Variants in TAFA2 observed in about 807,000 individuals in gnomAD.
TAFA2 encodes the protein TAFA chemokine like family member 2.
Under a neutral mutation model 18.8 loss-of-function variants are expected in TAFA2, and 7 were observed. The ratio of observed to expected loss-of-function variants is 0.37; its 90% confidence interval spans 0.21 to 0.70. The LOEUF (loss-of-function observed/expected upper bound fraction) is 0.70. Among genes scored for constraint, TAFA2 ranks in the 30% least tolerant of loss-of-function variants. The pLI is 0.53. For synonymous variants in TAFA2, 60 were observed against 54.2 expected, an observed-to-expected ratio of 1.11 and a Z score of -0.47; for missense variants, 122 against 158.1, an observed-to-expected ratio of 0.77 and a Z score of 1.23.
intron 1 of TAFA2, among the ~76,000 whole-genome samples, chr12:62,104,276 C>CAAAAAA (rs66467365): frequency 2.7e-5 from 4 of 145,848 alleles, no homozygotes; most frequent in Admixed American, 6.9e-5. Flanking sequence ...TCTTCTGAAG[C>CAAAAAA]AAAAAAAAAA....
chr12:62,067,935 T>C (rs1882533178), intron 1 of TAFA2, among the ~76,000 whole-genome samples: 1 of 152,018 alleles, frequency 6.6e-6, no homozygotes, highest in Non-Finnish European at 1.5e-5. Context: ...TGTCTATTAC[T>C]TTCCTTTTCT....
intron 1 of TAFA2, among the ~76,000 whole-genome samples, chr12:62,037,730 T>C (rs569956876): frequency 2.0e-5 from 3 of 152,188 alleles, no homozygotes; most frequent in African/African-American, 7.2e-5. Flanking sequence ...AACTACTTTA[T>C]AGACCAGAGC....
chr12:61,887,044 A>G lies in TAFA2; in HGVS notation c.-1-19618T>C, dbSNP rs532351736. ...GTGTTAAAATATATAAAGTGCTTAG[A>G]GCAGGACCTGCTCATAATAAATGCT... On this transcript the variant is annotated intron_variant, in intron 1 of 4. Coordinates refer to ENST00000416284, the MANE Select transcript of TAFA2 (RefSeq NM_178539.5). Among the ~76,000 whole-genome samples, 26 of 152,362 alleles carry G rather than the reference A, an allele frequency of 1.7e-4. No individual in the cohort carries two copies. The South Asian group carries it at 4.6e-3, about 27-fold the overall frequency.
At chr12:62,213,641 CAA>C (rs5798637) in intron 1 of TAFA2, among the ~76,000 whole-genome samples, 3 of 145,276 alleles carry the variant, frequency 2.1e-5, no homozygotes, top group Non-Finnish European at 3.0e-5. Context: ...GACTCTGTCT[CAA>C]AAAAAAAAAA....
At chr12:61,776,014 T>C in intron 2 of TAFA2, 1 of 356,498 alleles carries the variant, frequency 2.8e-6, no homozygotes, top group Non-Finnish European at 5.4e-6. Flanking sequence ...ACCACACACA[T>C]GCGAATCTAT....
chr12:61,763,502 G>A (rs567377286), intron 2 of TAFA2, among the ~76,000 whole-genome samples: 3 of 151,808 alleles, frequency 2.0e-5, no homozygotes, highest in Non-Finnish European at 4.4e-5. Context: ...AATGACAGTC[G>A]ATGTTAAGAA....
chr12:61,749,654 C>T (rs1868912966), intron 4 of TAFA2, among the ~76,000 whole-genome samples: 2 of 152,012 alleles, frequency 1.3e-5, no homozygotes, highest in Admixed American at 1.3e-4. Flanking sequence ...CTCTTATCTG[C>T]TCAAGCCACT....
At chr12:62,076,046 C>T (rs990386156) in intron 1 of TAFA2, among the ~76,000 whole-genome samples, 1 of 152,156 alleles carries the variant, frequency 6.6e-6, no homozygotes, top group Non-Finnish European at 1.5e-5. Context: ...AATCCACGCC[C>T]TTTAAATTCA....
chr12:61,952,816 T>C (rs929690692), intron 1 of TAFA2, among the ~76,000 whole-genome samples: 2 of 149,058 alleles, frequency 1.3e-5, no homozygotes, highest in African/African-American at 5.2e-5. Flanking sequence ...TTCTCCCTAA[T>C]TAAATACGTG....
Position 62,210,576 on chromosome 12 carries a change from A to C in TAFA2, c.-130+48187T>G, listed in dbSNP as rs187692659. ...CATTTTTAGACAAGCATCGCAGTACATGTTGTCTGTTTTATAGCAACAAAA... is the reference window on the plus strand; with the variant it reads ...CATTTTTAGACAAGCATCGCAGTACCTGTTGTCTGTTTTATAGCAACAAAA... On this transcript the variant is annotated intron_variant, in intron 1 of 5. Coordinates refer to the TAFA2 transcript ENST00000551619. 2.5e-3 allele frequency among the ~76,000 whole-genome samples: 378 copies of C among 152,336 alleles called. 5 individuals are homozygous for C. Among genetic ancestry groups the C allele is most frequent in the South Asian group, 0.017 (83 of 4,828 alleles).
intron 1 of TAFA2, among the ~76,000 whole-genome samples, chr12:61,941,091 G>T (rs527320298): frequency 3.9e-4 from 59 of 152,082 alleles, no homozygotes; most frequent in African/African-American, 1.3e-3. Flanking sequence ...TTTTCTAACT[G>T]TAATTTTATA....
intron 4 of TAFA2, among the ~76,000 whole-genome samples, chr12:61,713,291 T>G (rs1452294239): frequency 6.6e-6 from 1 of 152,194 alleles, no homozygotes; most frequent in African/African-American, 2.4e-5. Flanking sequence ...CACTTCCGTT[T>G]TCTCTATGTC....
chr12:61,828,305 C>T (rs1297690847), intron 2 of TAFA2, among the ~76,000 whole-genome samples: 1 of 151,796 alleles, frequency 6.6e-6, no homozygotes. Flanking sequence ...ATGACCAAAA[C>T]GACCATTTTG....
Position 61,973,449 on chromosome 12 carries a change from T to C in TAFA2, c.-1-106023A>G, listed in dbSNP as rs183125139. 7.9e-5 allele frequency among the ~76,000 whole-genome samples: 12 copies of C among 151,076 alleles called. No individual in the cohort carries two copies. The East Asian group carries it at 2.3e-3, about 30-fold the overall frequency. Reference sequence around the variant, plus strand: ...TACAACTTAGTTTATTTAGTTCTTATAATAATTCTTTAGCTCATATTTATT... The same window carrying C: ...TACAACTTAGTTTATTTAGTTCTTACAATAATTCTTTAGCTCATATTTATT... On this transcript the variant is annotated intron_variant, in intron 1 of 4. Coordinates refer to ENST00000416284, the MANE Select transcript of TAFA2 (RefSeq NM_178539.5).
At chr12:61,736,410 G>T (rs756273424) in intron 4 of TAFA2, among the ~76,000 whole-genome samples, 4 of 152,016 alleles carry the variant, frequency 2.6e-5, no homozygotes, top group Non-Finnish European at 4.4e-5. Flanking sequence ...TGAAAGTCAA[G>T]TTATGTGGAT....
intron 2 of TAFA2, among the ~76,000 whole-genome samples, chr12:61,800,555 G>T (rs1871361337): frequency 6.6e-6 from 1 of 152,154 alleles, no homozygotes; most frequent in South Asian, 2.1e-4. Flanking sequence ...ATCAGGAAGT[G>T]ATTTGCTACA....
intron 1 of TAFA2, among the ~76,000 whole-genome samples, chr12:61,871,778 C>T (rs960021425): frequency 2.6e-5 from 4 of 152,186 alleles, no homozygotes; most frequent in Non-Finnish European, 5.9e-5. Context: ...TGAAACGCTT[C>T]TCATCCCACT....
chr12:62,151,972 C>T (rs1471181662), intron 1 of TAFA2, among the ~76,000 whole-genome samples: 2 of 152,154 alleles, frequency 1.3e-5, no homozygotes, highest in Admixed American at 1.3e-4. Context: ...ATAGGGAAAA[C>T]CATGGAAAGC....
chr12:62,043,155 T>A (rs1322216955), intron 1 of TAFA2, among the ~76,000 whole-genome samples: 1 of 152,136 alleles, frequency 6.6e-6, no homozygotes, highest in African/African-American at 2.4e-5. Flanking sequence ...AGAAGAATAT[T>A]TTCATTTAAT....
Sources: allele counts gnomAD v4.1 joint callset (sites outside exome capture counted in the v4.1 genomes callset), GRCh38; gene constraint gnomAD v4.1.1; transcripts MANE v1.5; gene names NCBI Gene and HGNC (gene_info 2026-07-23, HGNC 2026-07-21).